Variants in NRG1 observed in about 807,000 individuals in gnomAD.
The protein encoded by NRG1 is neuregulin 1.
A neutral mutation model predicts 63.8 loss-of-function variants in NRG1; 18 were observed. The observed-to-expected ratio is 0.28, with a 90% CI of 0.19 to 0.42. The LOEUF (loss-of-function observed/expected upper bound fraction) is 0.42. Among genes scored for constraint, NRG1 ranks in the 10% least tolerant of loss-of-function variants. The pLI is 1.00. For synonymous variants in NRG1, 302 were observed against 301.3 expected (o/e 1.00, Z -0.02); for missense variants, 762 against 814.7 (o/e 0.94, Z 0.79).
At chr8:31,725,747 T>C (rs1257755157) in intron 1 of NRG1, among the ~76,000 whole-genome samples, 1 of 152,214 alleles carries the variant, frequency 6.6e-6, no homozygotes, top group African/African-American at 2.4e-5. Flanking sequence ...TATTTTTAAA[T>C]ACTTTTCACA....
intron 1 of NRG1, among the ~76,000 whole-genome samples, chr8:31,858,023 G>T (rs1828088110): frequency 6.6e-6 from 1 of 152,206 alleles, no homozygotes; most frequent in Non-Finnish European, 1.5e-5. Flanking sequence ...TGAAGGGCCA[G>T]GCATGGTGGC....
chr8:32,760,574 C>A, intron 11 of NRG1, 168 bp downstream of exon 11: 1 of 1,427,526 alleles, frequency 7.0e-7, no homozygotes, highest in Non-Finnish European at 9.1e-7. Flanking sequence ...TTTGACGGAA[C>A]TTATTTCTTC....
At chr8:31,843,320 G>T (rs1396521827) in intron 1 of NRG1, among the ~76,000 whole-genome samples, 1 of 152,174 alleles carries the variant, frequency 6.6e-6, no homozygotes, top group Non-Finnish European at 1.5e-5. Context: ...ATTCACCTTT[G>T]CAGGGGGTGG....
intron 1 of NRG1, among the ~76,000 whole-genome samples, chr8:31,994,983 A>G (rs967335904): frequency 7.9e-5 from 12 of 152,070 alleles, no homozygotes; most frequent in African/African-American, 2.6e-4. Context: ...CAAGTATTGA[A>G]TTGGTTTAAC....
At chr8:32,016,210 T>A (rs1815512920) in intron 1 of NRG1, among the ~76,000 whole-genome samples, 3 of 152,218 alleles carry the variant, frequency 2.0e-5, no homozygotes, top group Middle Eastern at 3.4e-3. Context: ...TATATATATA[T>A]TCCTGCAACT....
rs555823163 is a variant in NRG1 at position 32,053,052 on chromosome 8, G to C, written c.37+413621G>C. Among the ~76,000 whole-genome samples the C allele has an allele frequency of 1.1e-4, 16 of 152,266 alleles. No individual in the cohort carries two copies. The South Asian group carries it at 1.9e-3, about 18-fold the overall frequency. On this transcript the variant is annotated intron_variant, in intron 1 of 10. Coordinates refer to the NRG1 transcript ENST00000519301. ...CTTAAAAGTAGAAAACCATTCATTG[G>C]CTAAGGTACATAAGAATAAGAATGA... is the stretch of plus-strand genomic sequence containing the variant.
chr8:31,723,452 C>A (rs768850074), intron 1 of NRG1, among the ~76,000 whole-genome samples: 2 of 152,048 alleles, frequency 1.3e-5, no homozygotes, highest in East Asian at 3.9e-4. Flanking sequence ...CCTCTTTTCT[C>A]TTTTCCTTCT....
chr8:32,346,528 G>A (rs1021939831), intron 1 of NRG1, among the ~76,000 whole-genome samples: 4 of 145,642 alleles, frequency 2.7e-5, no homozygotes, highest in Non-Finnish European at 4.5e-5. Context: ...CTTCCTCAAA[G>A]CAAACATTAG....
intron 1 of NRG1, among the ~76,000 whole-genome samples, chr8:32,160,326 T>TA (rs1239828375): frequency 6.6e-6 from 1 of 152,256 alleles, no homozygotes; most frequent in African/African-American, 2.4e-5. Flanking sequence ...GATGAGCACT[T>TA]ACTGTGTGAC....
chr8:32,642,516 G>A (rs1852614413), intron 5 of NRG1, among the ~76,000 whole-genome samples: 2 of 152,190 alleles, frequency 1.3e-5, no homozygotes, highest in South Asian at 4.1e-4. Context: ...GGAAGAAGCT[G>A]ACAGATCCAT....
intron 1 of NRG1, among the ~76,000 whole-genome samples, chr8:31,795,015 C>G (rs1288759345): frequency 6.6e-6 from 1 of 152,136 alleles, no homozygotes; most frequent in African/African-American, 2.4e-5. Flanking sequence ...GTTGGCCAGG[C>G]TGGTCTCAAA....
At chr8:32,758,058 T>C (rs1829991753) in intron 9 of NRG1, among the ~76,000 whole-genome samples, 1 of 152,192 alleles carries the variant, frequency 6.6e-6, no homozygotes, top group Non-Finnish European at 1.5e-5. Context: ...GTTTCAAGCA[T>C]AATTCAAGCT....
chr8:32,730,235 C>G (rs1361242154), intron 6 of NRG1, among the ~76,000 whole-genome samples: 3 of 152,050 alleles, frequency 2.0e-5, no homozygotes, highest in Non-Finnish European at 2.9e-5. Flanking sequence ...ATCTCTTGAG[C>G]CCAGGAGTTG....
intron 5 of NRG1, among the ~76,000 whole-genome samples, chr8:32,701,670 C>T (rs1470110656): frequency 2.0e-5 from 3 of 152,160 alleles, no homozygotes; most frequent in Admixed American, 2.0e-4. Context: ...AGATGATTCA[C>T]TTTCTAACTT....
chr8:31,974,196 C>T (rs113396789), intron 1 of NRG1, among the ~76,000 whole-genome samples: 9 of 152,172 alleles, frequency 5.9e-5, no homozygotes, highest in East Asian at 3.9e-4. Context: ...GACAGGGACT[C>T]GCTGTGTCAC....
At chr8:32,274,166 A>G (rs995211669) in intron 1 of NRG1, among the ~76,000 whole-genome samples, 1 of 152,200 alleles carries the variant, frequency 6.6e-6, no homozygotes, top group Non-Finnish European at 1.5e-5. Flanking sequence ...TGACTAAAAA[A>G]TACATGCAGA....
At chr8:31,878,699 T>C in intron 1 of NRG1, among the ~76,000 whole-genome samples, 1 of 152,128 alleles carries the variant, frequency 6.6e-6, no homozygotes, top group South Asian at 2.1e-4. Flanking sequence ...TGGGAAAGGA[T>C]CTATTTCATG....
intron 1 of NRG1, among the ~76,000 whole-genome samples, chr8:32,083,048 T>C (rs1403345642): frequency 6.6e-6 from 1 of 152,168 alleles, no homozygotes; most frequent in Non-Finnish European, 1.5e-5. Context: ...GTTACAAGAA[T>C]CTGTTTTCTA....
intron 1 of NRG1, among the ~76,000 whole-genome samples, chr8:32,011,457 GT>G (rs1814748988): frequency 6.6e-6 from 1 of 152,126 alleles, no homozygotes; most frequent in Non-Finnish European, 1.5e-5. Context: ...TCATCAAAAT[GT>G]CAGAATGATT....
Sources: gnomAD v4.1 joint callset for allele counts (sites outside exome capture counted in the v4.1 genomes callset) on GRCh38, gnomAD v4.1.1 for gene constraint, MANE v1.5 for transcripts, NCBI Gene and HGNC (gene_info 2026-07-23, HGNC 2026-07-21) for gene names.